Variants in USP48 observed in about 807,000 individuals in gnomAD.
USP48 encodes the protein ubiquitin specific peptidase 48, also known as ubiquitin carboxyl-terminal hydrolase 48.
Under a neutral mutation model 150.7 loss-of-function variants are expected in USP48, and 43 were observed. The observed-to-expected ratio is 0.29, with a 90% CI of 0.22 to 0.37. The LOEUF (loss-of-function observed/expected upper bound fraction) is 0.37, where lower values mean the gene tolerates loss of function less well. Among genes scored for constraint, USP48 ranks in the 10% least tolerant of loss-of-function variants. The pLI is 1.00. For synonymous variants in USP48, 396 were observed against 425.9 expected (o/e 0.93, Z 0.86); for missense variants, 813 against 1,249.6 (o/e 0.65, Z 5.27).
At chr1:21,771,215 A>G (rs2097879249) in intron 1 of USP48, among the ~76,000 whole-genome samples, 1 of 151,886 alleles carries the variant, frequency 6.6e-6, no homozygotes, top group African/African-American at 2.4e-5. Context: ...CTCTACTAAA[A>G]ATACAAAAAG....
chr1:21,735,256 C>T (rs945186142), intron 9 of USP48, among the ~76,000 whole-genome samples: 4 of 152,158 alleles, frequency 2.6e-5, no homozygotes, highest in African/African-American at 9.7e-5. Context: ...TTATGAAAAC[C>T]ATCTCTGGAA....
chr1:21,752,757 A>G (rs2097819835), intron 4 of USP48, 106 bp from the exon 5 acceptor site: 1 of 1,334,202 alleles, frequency 7.5e-7, no homozygotes, highest in African/African-American at 1.5e-5. Context: ...CTTTCAACTT[A>G]GCATTTTCAA....
chr1:21,717,449 C>T (rs151114607), intron 14 of USP48, among the ~76,000 whole-genome samples: 1 of 58,846 alleles, frequency 1.7e-5, no homozygotes, highest in Non-Finnish European at 4.5e-5. Context: ...TAAAAAAAAA[C>T]CCAACCAACC....
In USP48 at chr1:21,773,393, T is replaced by C. The variant is rs191763540; in HGVS notation, c.134+9431A>G. On this transcript the variant is annotated intron_variant, in intron 1 of 26. Transcript: ENST00000308271. ...AATATAAAAAGGAGAAGGGACACAG[T>C]GGCTCACGCCTGTAATCCCAGCACT... is the stretch of plus-strand genomic sequence containing the variant. 3.7e-3 allele frequency among the ~76,000 whole-genome samples: 563 copies of C among 152,128 alleles called. 5 individuals carry two copies. The highest frequency in any genetic ancestry group is 0.013 in the African/African-American group (544 of 41,490).
intron 1 of USP48, among the ~76,000 whole-genome samples, chr1:21,761,075 A>G (rs1572009094): frequency 6.6e-6 from 1 of 152,076 alleles, no homozygotes; most frequent in Non-Finnish European, 1.5e-5. Context: ...AGCCTGGACA[A>G]CAAGTGGAAA....
intron 15 of USP48, 62 bp downstream of exon 15, chr1:21,715,327 A>T: frequency 2.3e-6 from 3 of 1,313,910 alleles, no homozygotes; most frequent in Non-Finnish European, 3.2e-6. Context: ...AAAGCCAGGC[A>T]GTAGAAGCTA....
intron 14 of USP48, among the ~76,000 whole-genome samples, chr1:21,717,749 T>C (rs886977783): frequency 2.0e-5 from 3 of 151,024 alleles, no homozygotes; most frequent in Non-Finnish European, 4.4e-5. Context: ...AGGTCTGGAG[T>C]TCAAGATCAG....
intron 14 of USP48, among the ~76,000 whole-genome samples, chr1:21,717,473 A>AAAT (rs2097707877): frequency 6.6e-6 from 1 of 152,108 alleles, no homozygotes; most frequent in Non-Finnish European, 1.5e-5. Context: ...CAAACAAAAA[A>AAAT]ACCCCACAAA....
chr1:21,694,608 C>CAAAAAAACAAAAAAA (rs1491189889), intron 23 of USP48, among the ~76,000 whole-genome samples: 1 of 28,982 alleles, frequency 3.5e-5, no homozygotes, highest in African/African-American at 1.1e-4. Flanking sequence ...AAAAAAAAAA[C>CAAAAAAACAAAAAAA]CCCCTCTATC....
At chr1:21,740,161 T>C (rs1481347021) in intron 8 of USP48, among the ~76,000 whole-genome samples, 3 of 152,366 alleles carry the variant, frequency 2.0e-5, no homozygotes, top group South Asian at 4.1e-4. Flanking sequence ...TCCACCCGCC[T>C]TGGCCTCCCA....
intron 1 of USP48, among the ~76,000 whole-genome samples, chr1:21,766,773 C>T (rs1572029996): frequency 6.6e-6 from 1 of 151,888 alleles, no homozygotes; most frequent in African/African-American, 2.4e-5. Flanking sequence ...GGGCTCAAGA[C>T]ATTCTCCTGC....
At chr1:21,751,376 T>C in intron 6 of USP48, 131 bp downstream of exon 6, 1 of 705,494 alleles carries the variant, frequency 1.4e-6, no homozygotes, top group South Asian at 1.8e-5. Flanking sequence ...TCTGGATCAT[T>C]ACAGATGCTT....
In USP48 at chr1:21,679,455, C is replaced by T. The variant is rs1343646567; in HGVS notation, c.3086-16G>A. On this transcript the variant is annotated splice_polypyrimidine_tract_variant and intron_variant, in intron 26 of 26. Transcript: ENST00000308271. ...AGACCAGTACCTGGGAAAAGAAACA[C>T]ACGTGGAGGGATAGTTGTGAACTAC... The T allele has an allele frequency of 8.7e-6, 14 of 1,613,800 alleles. No individual in the cohort carries two copies. Among genetic ancestry groups the T allele is most frequent in the Non-Finnish European group, 1.2e-5 (14 of 1,179,994 alleles).
chr1:21,735,590 A>C (rs1396251094), intron 9 of USP48, among the ~76,000 whole-genome samples: 1 of 152,204 alleles, frequency 6.6e-6, no homozygotes, highest in African/African-American at 2.4e-5. Flanking sequence ...GTCTCTATTA[A>C]AAATAGAAAA....
chr1:21,714,472 A>C (rs1290682379), intron 15 of USP48, among the ~76,000 whole-genome samples: 2 of 152,138 alleles, frequency 1.3e-5, no homozygotes, highest in East Asian at 3.9e-4. Flanking sequence ...TGTGTTGCCC[A>C]GACTGGTCTC....
At chr1:21,732,659 CT>C in intron 9 of USP48, 2 of 355,700 alleles carry the variant, frequency 5.6e-6, no homozygotes, top group South Asian at 2.2e-5. Context: ...TCACAAAAAA[CT>C]TACTATATTC....
intron 15 of USP48, among the ~76,000 whole-genome samples, chr1:21,708,752 G>C (rs2097680863): frequency 6.6e-6 from 1 of 150,738 alleles, no homozygotes; most frequent in African/African-American, 2.4e-5. Flanking sequence ...GGGAGTGGTG[G>C]TGTGCACCTG....
intron 6 of USP48, among the ~76,000 whole-genome samples, chr1:21,750,715 A>C (rs191102704): frequency 6.6e-6 from 1 of 150,778 alleles, no homozygotes; most frequent in East Asian, 1.9e-4. Context: ...TCTACTAAAA[A>C]TACACACACA....
chr1:21,741,636 A>G (rs1472891553), intron 8 of USP48, among the ~76,000 whole-genome samples: 2 of 152,220 alleles, frequency 1.3e-5, no homozygotes, highest in Non-Finnish European at 2.9e-5. Flanking sequence ...ATTCCTATAT[A>G]AGATAGTCTG....
Sources: allele counts gnomAD v4.1 joint callset (sites outside exome capture counted in the v4.1 genomes callset), GRCh38; gene constraint gnomAD v4.1.1; transcripts MANE v1.5; gene names NCBI Gene and HGNC (gene_info 2026-07-23, HGNC 2026-07-21).